KCNA2: variants seen among roughly 807,000 people sequenced by gnomAD.
KCNA2 encodes potassium channel, voltage gated shaker related subfamily A, member 2.
Under a neutral mutation model 33.4 loss-of-function variants are expected in KCNA2, and 11 were observed. The observed-to-expected ratio is 0.33, with a 90% CI of 0.21 to 0.55. The LOEUF (loss-of-function observed/expected upper bound fraction) is 0.55. Among genes scored for constraint, KCNA2 ranks in the 20% least tolerant of loss-of-function variants. The probability of loss-of-function intolerance (pLI) is 0.93; values close to 1 mark genes in which losing one functional copy is unlikely to be tolerated. For missense variants in KCNA2, 291 were observed against 621.6 expected (o/e 0.47, Z 5.66); for synonymous variants, 222 against 231.3 (o/e 0.96, Z 0.37).
At chr1:110,629,008 G>A (rs1650475219) in intron 1 of KCNA2, among the ~76,000 whole-genome samples, 1 of 152,186 alleles carries the variant, frequency 6.6e-6, no homozygotes, top group African/African-American at 2.4e-5. Flanking sequence ...AAGACCTGAT[G>A]TGTTCTCCTC....
Position 110,602,172 on chromosome 1 carries a change from T to C in KCNA2, c.*1111A>G, listed in dbSNP as rs1649386096. 1.9e-6 allele frequency: 3 copies of C among 1,550,336 alleles called. No individual in the cohort carries two copies. Among genetic ancestry groups the C allele is most frequent in the Non-Finnish European group, 2.6e-6 (3 of 1,146,990 alleles). ...CTGGCTTTGCAGAGGTCTGCGTTCC[T>C]GTTTAGAAGAACAGGGATAGGTAGG... On this transcript the variant is annotated 3_prime_UTR_variant, in exon 3 of 3. Coordinates refer to ENST00000316361, the MANE Select transcript of KCNA2 (RefSeq NM_004974.4).
rs1359139932 is a variant in KCNA2, at chr1:110,594,570, A to G, written c.*8713T>C. Reference sequence around the variant, plus strand: ...GATGCAGAAAACCAGGAAGAGGCCAATTTGGCTGGGGTATTGTTTGCTCAG... The same window carrying G: ...GATGCAGAAAACCAGGAAGAGGCCAGTTTGGCTGGGGTATTGTTTGCTCAG... On this transcript the variant is annotated 3_prime_UTR_variant, in exon 3 of 3. Coordinates refer to ENST00000316361, the MANE Select transcript of KCNA2 (RefSeq NM_004974.4). 1.0e-6 allele frequency: 1 copy of G among 985,234 alleles called. No homozygotes were observed. The highest frequency in any genetic ancestry group is 1.7e-5 in the African/African-American group (1 of 57,206). The allele number at this position is 985,234 out of a possible 1,614,324, so 61.0% of individuals were successfully genotyped here.
At chr1:110,616,149 C>T (rs1650056897) in intron 1 of KCNA2, among the ~76,000 whole-genome samples, 1 of 152,220 alleles carries the variant, frequency 6.6e-6, no homozygotes, top group South Asian at 2.1e-4. Context: ...CTTCTCTGAA[C>T]TCTGGCCATT....
chr1:110,627,823 T>C (rs1017388875), intron 1 of KCNA2, among the ~76,000 whole-genome samples: 6 of 149,052 alleles, frequency 4.0e-5, no homozygotes, highest in African/African-American at 1.2e-4. Context: ...AGTGAGACCC[T>C]GTCTCAAAAA....
Position 110,602,227 on chromosome 1 carries a change from C to T in KCNA2, c.*1056G>A. The T allele has an allele frequency of 6.5e-7, 1 of 1,541,442 alleles. No individual in the cohort carries two copies. The highest frequency in any genetic ancestry group is 1.2e-5 in the South Asian group (1 of 83,216). On this transcript the variant is annotated 3_prime_UTR_variant, in exon 3 of 3. Coordinates refer to ENST00000316361, the MANE Select transcript of KCNA2 (RefSeq NM_004974.4). ...GGGGCCAGAAGTTTTAGTTCCATTC[C>T]AAATAGTCTATTTTTTTTCCCCTGA...
chr1:110,598,333 G>T lies in KCNA2; in HGVS notation c.*4950C>A. On this transcript the variant is annotated 3_prime_UTR_variant, in exon 3 of 3. Coordinates refer to ENST00000316361, the MANE Select transcript of KCNA2 (RefSeq NM_004974.4). ...GTCAAAGCACTGTGCTCCCCTGCCTGACATAGGGGTAGTGGTGCCACCTTC... is the reference window on the plus strand; with the variant it reads ...GTCAAAGCACTGTGCTCCCCTGCCTTACATAGGGGTAGTGGTGCCACCTTC... The T allele has an allele frequency of 1.1e-6, 1 of 952,088 alleles. No individual in the cohort carries two copies. Among genetic ancestry groups the T allele is most frequent in the Non-Finnish European group, 1.3e-6 (1 of 799,698 alleles). The allele number at this position is 952,088 out of a possible 1,614,324, so 59.0% of individuals were successfully genotyped here.
chr1:110,601,450 G>A lies in KCNA2; in HGVS notation c.*1833C>T. 1.0e-6 allele frequency: 1 copy of A among 985,532 alleles called. No homozygotes were observed. The highest frequency in any genetic ancestry group is 1.7e-5 in the African/African-American group (1 of 57,358). The allele number at this position is 985,532 out of a possible 1,614,324, so 61.0% of individuals were successfully genotyped here. ...ATAAGATCCAAGTGGCAAGGGAAGAGGTGAAAATGGAGATGATGAACAGGA... is the reference window on the plus strand; with the variant it reads ...ATAAGATCCAAGTGGCAAGGGAAGAAGTGAAAATGGAGATGATGAACAGGA... On this transcript the variant is annotated 3_prime_UTR_variant, in exon 3 of 3. Coordinates refer to ENST00000316361, the MANE Select transcript of KCNA2 (RefSeq NM_004974.4).
chr1:110,596,017 A>G lies in KCNA2; in HGVS notation c.*7266T>C. On this transcript the variant is annotated 3_prime_UTR_variant, in exon 3 of 3. Coordinates refer to ENST00000316361, the MANE Select transcript of KCNA2 (RefSeq NM_004974.4). The stretch of plus-strand genomic sequence containing the variant: ...ATAGCCAACCAGGGCAGACAGAAGA[A>G]AGGCTAAAGCACCTGGCTGTTAGAT... 1.0e-6 allele frequency: 1 copy of G among 985,460 alleles called. No homozygotes were observed. The allele number at this position is 985,460 out of a possible 1,614,324, so 61.0% of individuals were successfully genotyped here. A position where few individuals can be genotyped will look rare whatever the true frequency, so the allele number is the denominator to read the frequency against.
At chr1:110,631,239 T>C (rs892898979) in intron 1 of KCNA2, among the ~76,000 whole-genome samples, 3 of 152,302 alleles carry the variant, frequency 2.0e-5, no homozygotes, top group Admixed American at 6.5e-5. Context: ...TGTCTGGCCC[T>C]TGAGGTGTCT....
At chr1:110,617,763 C>G (rs991922760) in intron 1 of KCNA2, among the ~76,000 whole-genome samples, 2 of 152,116 alleles carry the variant, frequency 1.3e-5, no homozygotes, top group Non-Finnish European at 2.9e-5. Flanking sequence ...CACAGGGCTT[C>G]AGAGAGGTGG....
chr1:110,603,288 C>T lies in KCNA2; in HGVS notation c.1495G>A (p.Val499Ile). 2 of 1,600,252 alleles carry T rather than the reference C, an allele frequency of 1.2e-6. No homozygotes were observed. The highest frequency in any genetic ancestry group is 1.7e-6 in the Non-Finnish European group (2 of 1,173,494). Reference protein sequence around the residue: ...YVNITKMLTDV With the variant: ...YVNITKMLTDI ...AGTACGGTAATAGGTTTCAATCAGA[C>T]ATCAGTTAACATTTTGGTAATATTC... The change falls in exon 3 of 3, where the codon GTC becomes ATC. Residue 499 changes from valine to isoleucine, a missense_variant. Physicochemically the swap from Val to Ile is conservative, Grantham distance 29. Transcript: ENST00000316361. The surrounding 1 kb of genome is among the most constrained non-coding windows in gnomAD (Gnocchi z 5.7).
In KCNA2 at chr1:110,601,154, CT is replaced by C; in HGVS notation, c.*2128del. ...ATGATTCTTTACCCATCCTTTGGTT[CT>C]TTTTAAAAAGCAGCTCTGGTTGCCA... On this transcript the variant is annotated 3_prime_UTR_variant, in exon 3 of 3. Transcript: ENST00000316361. 1.0e-6 allele frequency: 1 copy of C among 985,406 alleles called. No homozygotes were observed. The highest frequency in any genetic ancestry group is 1.2e-6 in the Non-Finnish European group (1 of 829,946). 61.0% of individuals were successfully genotyped at this position (985,406 alleles called of 1,614,324 possible). A position where few individuals can be genotyped will look rare whatever the true frequency, so the allele number is the denominator to read the frequency against.
Position 110,599,358 on chromosome 1 carries a change from G to C in KCNA2, c.*3925C>G. On this transcript the variant is annotated 3_prime_UTR_variant, in exon 3 of 3. Transcript: ENST00000316361. ...AGGATAAAGTCAGGCCCTCTAAAAA[G>C]TGTTAGCTTGCTTAGCCTTAGATGT... 1.0e-6 allele frequency: 1 copy of C among 985,340 alleles called. No individual in the cohort carries two copies. Among genetic ancestry groups the C allele is most frequent in the Non-Finnish European group, 1.2e-6 (1 of 829,854 alleles). The allele number at this position is 985,340 out of a possible 1,614,324, so 61.0% of individuals were successfully genotyped here.
intron 1 of KCNA2, among the ~76,000 whole-genome samples, chr1:110,613,456 T>A (rs1649948207): frequency 6.6e-6 from 1 of 152,264 alleles, no homozygotes; most frequent in African/African-American, 2.4e-5. Flanking sequence ...CACCAGCAGA[T>A]GCACAGCCTC....
Position 110,594,356 on chromosome 1 carries a change from A to G in KCNA2, c.*8927T>C. ...ATATATATATACACACACATCACAC[A>G]CAATATAAAGTCTCCAGAGGCAGCC... is the stretch of plus-strand genomic sequence containing the variant. On this transcript the variant is annotated 3_prime_UTR_variant, in exon 3 of 3. Coordinates refer to ENST00000316361, the MANE Select transcript of KCNA2 (RefSeq NM_004974.4). 1 of 982,282 alleles carries G rather than the reference A, an allele frequency of 1.0e-6. No individual in the cohort carries two copies. Among genetic ancestry groups the G allele is most frequent in the African/African-American group, 1.8e-5 (1 of 56,840 alleles). 60.8% of individuals were successfully genotyped at this position (982,282 alleles called of 1,614,324 possible). A position where few individuals can be genotyped will look rare whatever the true frequency, so the allele number is the denominator to read the frequency against.
chr1:110,616,265 T>C (rs1231214991), intron 1 of KCNA2, among the ~76,000 whole-genome samples: 3 of 152,132 alleles, frequency 2.0e-5, no homozygotes, highest in Admixed American at 2.0e-4. Flanking sequence ...CTTCCTGAGA[T>C]GATGAGGGGC....
rs1570748289 is a variant in KCNA2, at chr1:110,599,085, T to C, written c.*4198A>G. 5 of 985,370 alleles carry C rather than the reference T, an allele frequency of 5.1e-6. No homozygotes were observed. The South Asian group carries it at 2.4e-4, about 46-fold the overall frequency. The allele number at this position is 985,370 out of a possible 1,614,324, so 61.0% of individuals were successfully genotyped here. On this transcript the variant is annotated 3_prime_UTR_variant, in exon 3 of 3. Transcript: ENST00000316361. Reference sequence around the variant, plus strand: ...CTCCCTACTGTTGTTACCTTTTCTGTAGAGACTGGGAGCTGCGACCATCAC... The same window carrying C: ...CTCCCTACTGTTGTTACCTTTTCTGCAGAGACTGGGAGCTGCGACCATCAC...
chr1:110,609,616 G>A (rs1649802722), upstream of KCNA2, among the ~76,000 whole-genome samples: 1 of 152,142 alleles, frequency 6.6e-6, no homozygotes, highest in African/African-American at 2.4e-5. Context: ...ATCTTCCTCT[G>A]ACCTCTGCTT....
intron 1 of KCNA2, among the ~76,000 whole-genome samples, chr1:110,630,922 T>G (rs1229385907): frequency 6.6e-6 from 1 of 152,110 alleles, no homozygotes; most frequent in Non-Finnish European, 1.5e-5. Flanking sequence ...CTAAGCCTGG[T>G]CTTCCTTTCC....
Sources: allele counts gnomAD v4.1 joint callset (sites outside exome capture counted in the v4.1 genomes callset), GRCh38; gene constraint gnomAD v4.1.1; non-coding constraint Gnocchi (gnomAD v3.1); transcripts MANE v1.5; gene names NCBI Gene and HGNC (gene_info 2026-07-23, HGNC 2026-07-21).